Variants in TSHZ3 observed in about 807,000 individuals in gnomAD.
The protein encoded by TSHZ3 is teashirt zinc finger homeobox 3.
Under a neutral mutation model 64.5 loss-of-function variants are expected in TSHZ3, and 10 were observed. The ratio of observed to expected loss-of-function variants is 0.16; its 90% CI spans 0.10 to 0.26. TSHZ3 has a LOEUF of 0.26. Ranked by LOEUF, TSHZ3 falls within the 10% of genes least tolerant of loss-of-function variation. TSHZ3 has a pLI of 1.00. For missense variants in TSHZ3, 1,242 were observed against 1,421.7 expected (o/e 0.87, Z 2.03); for synonymous variants, 608 against 593.1 (o/e 1.03, Z -0.36).
intron 3 of TSHZ3, among the ~76,000 whole-genome samples, chr19:31,235,932 T>G (rs182836071): frequency 2.0e-5 from 3 of 152,146 alleles, no homozygotes; most frequent in African/African-American, 7.2e-5. Context: ...GCCAGGCTGG[T>G]CTCCAGTGAT....
At chr19:31,257,931 A>G (rs1038017289) in intron 1 of TSHZ3, among the ~76,000 whole-genome samples, 2 of 152,212 alleles carry the variant, frequency 1.3e-5, no homozygotes, top group Non-Finnish European at 1.5e-5. Context: ...ATTTTCCCAA[A>G]CTTGGAGCCA....
chr19:31,150,366 A>T (rs1177158513), exon 7 of TSHZ3, among the ~76,000 whole-genome samples: 1 of 152,232 alleles, frequency 6.6e-6, no homozygotes, highest in Non-Finnish European at 1.5e-5. Flanking sequence ...GTGCCTGCTC[A>T]TCTTCTAGCA....
intron 5 of TSHZ3, among the ~76,000 whole-genome samples, chr19:31,203,498 T>G (rs1975117420): frequency 6.6e-6 from 1 of 150,620 alleles, no homozygotes; most frequent in African/African-American, 2.4e-5. Context: ...AAGGTGGGGG[T>G]GGGTAGCAAG....
intron 4 of TSHZ3, among the ~76,000 whole-genome samples, chr19:31,206,395 A>G (rs1388898805): frequency 6.6e-6 from 1 of 152,120 alleles, no homozygotes; most frequent in East Asian, 1.9e-4. Flanking sequence ...ATGGATGGAC[A>G]GATTGATTTC....
chr19:31,307,851 T>C (rs1329296353), intron 1 of TSHZ3, among the ~76,000 whole-genome samples: 1 of 152,204 alleles, frequency 6.6e-6, no homozygotes, highest in Non-Finnish European at 1.5e-5. Context: ...CTGCCATTCA[T>C]CTTTGATCTC....
intron 1 of TSHZ3, among the ~76,000 whole-genome samples, chr19:31,307,505 G>T (rs1007059503): frequency 8.6e-5 from 13 of 151,404 alleles, no homozygotes; most frequent in Non-Finnish European, 1.9e-4. Flanking sequence ...CGCGGCACGG[G>T]GCTGGTGTTC....
chr19:31,290,624 G>A (rs1365794135), intron 1 of TSHZ3, among the ~76,000 whole-genome samples: 1 of 152,144 alleles, frequency 6.6e-6, no homozygotes, highest in African/African-American at 2.4e-5. Flanking sequence ...ACCTAGAGAC[G>A]CTACCTAGGA....
At position 31,266,596 on chromosome 19, in the gene TSHZ3, C is replaced by T. The variant is rs571813990; in HGVS notation, n.64-23721G>A. 2.6e-5 allele frequency among the ~76,000 whole-genome samples: 4 copies of T among 152,148 alleles called. No individual in the cohort carries two copies. The East Asian group carries it at 7.7e-4, about 29-fold the overall frequency. On this transcript the variant is annotated intron_variant and non_coding_transcript_variant, in intron 1 of 6. Coordinates refer to the TSHZ3 transcript ENST00000651361. ...ATCCCAGACCATAACCCTAAACACACGACTTGAACCTGACCTTCAGGCAGA... is the reference window on the plus strand; with the variant it reads ...ATCCCAGACCATAACCCTAAACACATGACTTGAACCTGACCTTCAGGCAGA...
intron 3 of TSHZ3, among the ~76,000 whole-genome samples, chr19:31,241,653 C>T (rs936140750): frequency 6.6e-6 from 1 of 152,204 alleles, no homozygotes; most frequent in Non-Finnish European, 1.5e-5. Context: ...TGAAGTGACT[C>T]AAACTCTGAC....
intron 4 of TSHZ3, among the ~76,000 whole-genome samples, chr19:31,222,781 G>A (rs1305105557): frequency 6.6e-6 from 1 of 152,018 alleles, no homozygotes; most frequent in Non-Finnish European, 1.5e-5. Context: ...TTTGCCCTGG[G>A]AATCTCGTCT....
chr19:31,168,581 T>C (rs1026332658), intron 5 of TSHZ3, among the ~76,000 whole-genome samples: 5 of 152,222 alleles, frequency 3.3e-5, no homozygotes, highest in African/African-American at 1.2e-4. Flanking sequence ...TGAAGCGTAT[T>C]ATCATGACTA....
intron 1 of TSHZ3, among the ~76,000 whole-genome samples, chr19:31,338,774 C>T (rs1252451605): frequency 6.6e-6 from 1 of 151,716 alleles, no homozygotes; most frequent in Non-Finnish European, 1.5e-5. Flanking sequence ...TTCTCTGTGT[C>T]CTTGGAAATT....
chr19:31,257,745 G>C (rs1975930997), intron 1 of TSHZ3, among the ~76,000 whole-genome samples: 1 of 152,198 alleles, frequency 6.6e-6, no homozygotes, highest in South Asian at 2.1e-4. Flanking sequence ...CTGACCTCCT[G>C]CCTGCTCTGG....
intron 1 of TSHZ3, among the ~76,000 whole-genome samples, chr19:31,286,917 C>G (rs1327868408): frequency 6.6e-6 from 1 of 152,146 alleles, no homozygotes; most frequent in East Asian, 1.9e-4. Flanking sequence ...CTGGAGACAC[C>G]AATTCGTTAA....
intron 4 of TSHZ3, among the ~76,000 whole-genome samples, chr19:31,205,356 C>A (rs1041809562): frequency 6.6e-6 from 1 of 152,138 alleles, no homozygotes; most frequent in Non-Finnish European, 1.5e-5. Flanking sequence ...TTTCCTGCCC[C>A]TTTTTTATTC....
chr19:31,337,013 A>ATTTTTTTTTTTT (rs57786560), intron 1 of TSHZ3, among the ~76,000 whole-genome samples: 1 of 131,430 alleles, frequency 7.6e-6, no homozygotes, highest in Non-Finnish European at 1.6e-5. Flanking sequence ...CTTTTTTTCT[A>ATTTTTTTTTTTT]TTTTTTTTTT....
At chr19:31,289,608 G>A (rs566816177) in intron 1 of TSHZ3, among the ~76,000 whole-genome samples, 6 of 152,192 alleles carry the variant, frequency 3.9e-5, no homozygotes, top group Non-Finnish European at 8.8e-5. Context: ...CCATCCCACT[G>A]CATGGATCTG....
At chr19:31,310,297 A>G (rs1420736690) in intron 1 of TSHZ3, among the ~76,000 whole-genome samples, 1 of 152,118 alleles carries the variant, frequency 6.6e-6, no homozygotes, top group East Asian at 1.9e-4. Flanking sequence ...CAAAGCAAAG[A>G]GTGTGGGGCA....
chr19:31,316,910 C>G (rs1183321139), intron 1 of TSHZ3, among the ~76,000 whole-genome samples: 2 of 152,150 alleles, frequency 1.3e-5, no homozygotes, highest in Non-Finnish European at 2.9e-5. Context: ...GTCACATATG[C>G]TCCGGCCAAA....
Sources: allele counts gnomAD v4.1 joint callset (sites outside exome capture counted in the v4.1 genomes callset), GRCh38; gene constraint gnomAD v4.1.1; transcripts MANE v1.5; gene names NCBI Gene and HGNC (gene_info 2026-07-23, HGNC 2026-07-21).